Variants in ANKRD6 observed in about 807,000 individuals in gnomAD.
ANKRD6 encodes the protein ankyrin repeat domain-containing protein 6.
ANKRD6 carries 56 observed loss-of-function variants against 82.3 expected under a neutral mutation model. That is an observed-to-expected ratio of 0.68 (90% confidence interval 0.55 to 0.85). ANKRD6 has a LOEUF of 0.85. ANKRD6 is among the 40% of genes least tolerant of loss of function. The pLI, the probability that ANKRD6 is intolerant of heterozygous loss-of-function variation, is 0.00. For synonymous variants in ANKRD6, 347 were observed against 352.1 expected, an observed-to-expected ratio of 0.99 and a Z score of 0.16; for missense variants, 852 against 907.6, an observed-to-expected ratio of 0.94 and a Z score of 0.79.
intron 2 of ANKRD6, among the ~76,000 whole-genome samples, chr6:89,584,667 T>G (rs974182792): frequency 6.6e-6 from 1 of 152,220 alleles, no homozygotes; most frequent in Non-Finnish European, 1.5e-5. Flanking sequence ...TAAACTATGA[T>G]GAAGTGAAAT....
intron 1 of ANKRD6, among the ~76,000 whole-genome samples, chr6:89,540,168 C>G (rs1784303571): frequency 6.6e-6 from 1 of 152,158 alleles, no homozygotes; most frequent in Non-Finnish European, 1.5e-5. Context: ...ATTGCTGGAT[C>G]ATATCGTAGC....
At chr6:89,534,827 A>G (rs1369871925) in intron 1 of ANKRD6, among the ~76,000 whole-genome samples, 1 of 152,188 alleles carries the variant, frequency 6.6e-6, no homozygotes, top group Non-Finnish European at 1.5e-5. Flanking sequence ...GAACTCAGTA[A>G]TATGATGGCC....
At chr6:89,551,323 TC>T (rs1484630649) in intron 1 of ANKRD6, among the ~76,000 whole-genome samples, 1 of 152,212 alleles carries the variant, frequency 6.6e-6, no homozygotes, top group Non-Finnish European at 1.5e-5. Flanking sequence ...CCCCAGCTCT[TC>T]CTGCCTTTTT....
At chr6:89,455,801 A>T (rs1377014779) in intron 1 of ANKRD6, among the ~76,000 whole-genome samples, 4 of 152,082 alleles carry the variant, frequency 2.6e-5, no homozygotes, top group African/African-American at 9.7e-5. Flanking sequence ...TGCTTCCTGT[A>T]CAGCCTGCAG....
intron 1 of ANKRD6, among the ~76,000 whole-genome samples, chr6:89,501,091 G>T (rs577098176): frequency 6.6e-6 from 1 of 151,672 alleles, no homozygotes; most frequent in African/African-American, 2.4e-5. Flanking sequence ...TTTCTTAGGA[G>T]TAGCTTTTGC....
chr6:89,619,189 AAAAG>A (rs1487953182), intron 9 of ANKRD6, among the ~76,000 whole-genome samples: 1 of 152,200 alleles, frequency 6.6e-6, no homozygotes, highest in Non-Finnish European at 1.5e-5. Context: ...AGCTCCCGAC[AAAAG>A]AAAGTCAGTA....
At chr6:89,520,955 T>C (rs955370132) in intron 1 of ANKRD6, among the ~76,000 whole-genome samples, 9 of 152,130 alleles carry the variant, frequency 5.9e-5, no homozygotes, top group Admixed American at 4.6e-4. Context: ...GCTACTGCAT[T>C]CCAGCCTGGG....
chr6:89,604,910 A>G (rs1327196141), intron 4 of ANKRD6, among the ~76,000 whole-genome samples: 1 of 152,092 alleles, frequency 6.6e-6, no homozygotes, highest in South Asian at 2.1e-4. Context: ...TAATTGGAGA[A>G]TGCACCTGCA....
chr6:89,585,087 C>A (rs1181956442), intron 2 of ANKRD6, among the ~76,000 whole-genome samples: 1 of 152,074 alleles, frequency 6.6e-6, no homozygotes, highest in Admixed American at 6.6e-5. Flanking sequence ...ACATTTAGTC[C>A]ATAACAAGCT....
At chr6:89,446,406 A>G (rs1034263681) in intron 1 of ANKRD6, among the ~76,000 whole-genome samples, 6 of 152,158 alleles carry the variant, frequency 3.9e-5, no homozygotes, top group Non-Finnish European at 7.3e-5. Context: ...TAATCCCACA[A>G]TGGCCTCTAA....
chr6:89,562,069 A>G (rs915341021), intron 1 of ANKRD6, among the ~76,000 whole-genome samples: 1 of 152,218 alleles, frequency 6.6e-6, no homozygotes, highest in Non-Finnish European at 1.5e-5. Flanking sequence ...TCAAGTCAAA[A>G]TGAAAGCCCT....
chr6:89,590,970 G>T (rs974080108), intron 2 of ANKRD6, among the ~76,000 whole-genome samples: 36 of 152,214 alleles, frequency 2.4e-4, no homozygotes, highest in African/African-American at 8.4e-4. Context: ...GGCCGCTGCT[G>T]TCTCTTGCTC....
At chr6:89,533,905 A>C (rs2127994204) in intron 1 of ANKRD6, among the ~76,000 whole-genome samples, 1 of 152,278 alleles carries the variant, frequency 6.6e-6, no homozygotes, top group Middle Eastern at 3.4e-3. Flanking sequence ...ACCTGGCGGT[A>C]CCTGGTCCAA....
At chr6:89,586,739 G>A (rs1793775080) in intron 2 of ANKRD6, among the ~76,000 whole-genome samples, 1 of 152,132 alleles carries the variant, frequency 6.6e-6, no homozygotes, top group Non-Finnish European at 1.5e-5. Flanking sequence ...GAGTGTGTGG[G>A]CCATTAACTG....
intron 1 of ANKRD6, among the ~76,000 whole-genome samples, chr6:89,508,438 T>G (rs1414027268): frequency 6.6e-6 from 1 of 152,164 alleles, no homozygotes; most frequent in Admixed American, 6.6e-5. Context: ...AGGTGGAACT[T>G]GCCATAGCAT....
intron 15 of ANKRD6, chr6:89,629,541 G>A (rs925082815): frequency 5.1e-6 from 2 of 388,844 alleles, no homozygotes; most frequent in Non-Finnish European, 4.9e-6. Context: ...AAAGATGAGA[G>A]GTGATGAAGA....
intron 1 of ANKRD6, among the ~76,000 whole-genome samples, chr6:89,565,517 A>T (rs538196445): frequency 6.6e-6 from 1 of 152,364 alleles, no homozygotes; most frequent in East Asian, 1.9e-4. Context: ...CTGGGAGATA[A>T]ATGTTCTCAT....
chr6:89,576,913 C>T (rs1317106011), intron 2 of ANKRD6, among the ~76,000 whole-genome samples: 1 of 152,130 alleles, frequency 6.6e-6, no homozygotes, highest in Non-Finnish European at 1.5e-5. Context: ...AGGCCAGCTG[C>T]CTTCATGGGC....
At chr6:89,622,527 A>G (rs1250163542) in intron 10 of ANKRD6, among the ~76,000 whole-genome samples, 1 of 152,234 alleles carries the variant, frequency 6.6e-6, no homozygotes, top group Non-Finnish European at 1.5e-5. Flanking sequence ...TTTGAGAGCC[A>G]CTGGCACAGG....
Sources: gnomAD v4.1 joint callset for allele counts (sites outside exome capture counted in the v4.1 genomes callset) on GRCh38, gnomAD v4.1.1 for gene constraint, MANE v1.5 for transcripts, NCBI Gene and HGNC (gene_info 2026-07-23, HGNC 2026-07-21) for gene names.